The following FAM53A variants were observed in gnomAD, a reference collection of about 807,000 sequenced individuals.
The protein encoded by FAM53A is family with sequence similarity 53 member A, also known as protein FAM53A.
In FAM53A, 28 loss-of-function variants were observed where a neutral mutation model predicts 26.6. The observed-to-expected ratio is 1.05, with a 90% CI of 0.78 to 1.45. The LOEUF (loss-of-function observed/expected upper bound fraction) is 1.45. Among genes scored for constraint, FAM53A ranks in the 40% most tolerant of loss-of-function variants. FAM53A has a pLI of 0.00. For synonymous variants in FAM53A, 290 were observed against 253.1 expected (o/e 1.15, Z -1.38); for missense variants, 650 against 575.8 (o/e 1.13, Z -1.32).
chr4:1,595,017 C>A, the FAM53A span, among the ~76,000 whole-genome samples: 5 of 152,332 alleles, frequency 3.3e-5, no homozygotes, highest in East Asian at 9.6e-4. Flanking sequence ...CCACCCCATC[C>A]CCCCACAGGA....
chr4:1,656,324 A>AC (rs1426580035), intron 3 of FAM53A, among the ~76,000 whole-genome samples: 6 of 152,156 alleles, frequency 3.9e-5, no homozygotes, highest in Non-Finnish European at 5.9e-5. Context: ...TCCCCAGCCC[A>AC]CTGCCTGCTG....
intron 4 of FAM53A, among the ~76,000 whole-genome samples, chr4:1,648,141 G>A (rs1161231730): frequency 6.6e-6 from 1 of 152,182 alleles, no homozygotes; most frequent in Non-Finnish European, 1.5e-5. Flanking sequence ...TCCAGGAGAT[G>A]GAGACTGCAG....
rs62287700 is a variant in FAM53A at position 1,655,074 on chromosome 4, A to T, written c.786T>A (p.Pro262=). The change falls in exon 4 of 5, where the codon CCT becomes CCA. Residue 262 remains proline (P), a synonymous_variant. Transcript: ENST00000308132. ...RRGLLRCRSQ[P]CVLSGKRSRR... is the part of the protein sequence containing the mutation. ...GGCTCCTCTTCCCACTGAGCACGCA[A>T]GGCTGTGAGCGGCACCGGAGCAGCC... 3 of 1,599,492 alleles carry T rather than the reference A, an allele frequency of 1.9e-6. No individual in the cohort carries two copies. The highest frequency in any genetic ancestry group is 2.6e-6 in the Non-Finnish European group (3 of 1,172,720).
intron 2 of FAM53A, among the ~76,000 whole-genome samples, chr4:1,660,471 T>C (rs1397201620): frequency 6.6e-6 from 1 of 151,094 alleles, no homozygotes; most frequent in African/African-American, 2.4e-5. Context: ...AGCCTGTCAT[T>C]CCAGCTACTC....
chr4:1,656,312 G>A (rs906673010), intron 3 of FAM53A, among the ~76,000 whole-genome samples: 2 of 152,184 alleles, frequency 1.3e-5, no homozygotes, highest in Admixed American at 6.5e-5. Flanking sequence ...TGTCTAACGC[G>A]CTCCCCAGCC....
rs565645997 is a variant in FAM53A, at chr4:1,675,936, A to T, written c.-164-7031T>A. Among the ~76,000 whole-genome samples, 9 of 152,366 alleles carry T rather than the reference A, an allele frequency of 5.9e-5. No individual in the cohort carries two copies. In the South Asian group the frequency reaches 1.7e-3, roughly 28 times the overall value. On this transcript the variant is annotated intron_variant, in intron 1 of 4. Transcript: ENST00000308132. ...CCCACCACAGGCAGTGCCTCAGCTC[A>T]GATGGCCGCCTCACGGGACAGCGGC...
rs985617745 is a variant in FAM53A, at chr4:1,640,145, C to T, written c.*1148G>A. On this transcript the variant is annotated 3_prime_UTR_variant, in exon 5 of 5. Transcript: ENST00000308132. Reference sequence around the variant, plus strand: ...GCCTTCCCAGAGGTCTGGCACTACACCCCACCTGAAGGTGCAAGGGCCCTC... The same window carrying T: ...GCCTTCCCAGAGGTCTGGCACTACATCCCACCTGAAGGTGCAAGGGCCCTC... The T allele has an allele frequency of 6.4e-6, 1 of 156,630 alleles. No homozygotes were observed. Among genetic ancestry groups the T allele is most frequent in the African/African-American group, 2.4e-5 (1 of 41,502 alleles). The allele number at this position is 156,630 out of a possible 1,614,324, so 9.7% of individuals were successfully genotyped here.
At chr4:1,593,897 A>G in the FAM53A span, among the ~76,000 whole-genome samples, 1 of 152,226 alleles carries the variant, frequency 6.6e-6, no homozygotes, top group Non-Finnish European at 1.5e-5. Context: ...TAAATTTAGA[A>G]CACAAAGGAC....
Position 1,659,315 on chromosome 4 carries a change from G to A in FAM53A, c.76-1847C>T, listed in dbSNP as rs191469689. The stretch of plus-strand genomic sequence containing the variant: ...TCACGCCACAGGGACCCTTGTTGCT[G>A]TCGATCCTCCCAGCCCCGGGCCTCC... On this transcript the variant is annotated intron_variant, in intron 2 of 4. Coordinates refer to ENST00000308132, the MANE Select transcript of FAM53A (RefSeq NM_001174070.3). The surrounding 1 kb of genome is among the most constrained non-coding windows in gnomAD (Gnocchi z 5.2). 2.3e-3 allele frequency among the ~76,000 whole-genome samples: 348 copies of A among 152,358 alleles called. 2 individuals are homozygous for A. The Middle Eastern group carries it at 0.024, about 10-fold the overall frequency.
the FAM53A span, among the ~76,000 whole-genome samples, chr4:1,578,014 C>G: frequency 2.0e-5 from 3 of 152,142 alleles, no homozygotes; most frequent in African/African-American, 7.2e-5. Flanking sequence ...GCTGCCCTTG[C>G]AGGCCGGGGT....
chr4:1,616,715 A>G (rs1201177483), downstream of FAM53A, among the ~76,000 whole-genome samples: 1 of 152,232 alleles, frequency 6.6e-6, no homozygotes, highest in East Asian at 1.9e-4. Context: ...AAAAGCTTGG[A>G]TTGGTGACAG....
the FAM53A span, among the ~76,000 whole-genome samples, chr4:1,610,437 A>G: frequency 2.6e-5 from 4 of 152,188 alleles, no homozygotes; most frequent in African/African-American, 9.7e-5. Flanking sequence ...GGCGTGGTGC[A>G]GGGGCTACGT....
intron 1 of FAM53A, among the ~76,000 whole-genome samples, chr4:1,676,708 GC>G (rs1715068098): frequency 6.6e-6 from 1 of 152,096 alleles, no homozygotes; most frequent in Non-Finnish European, 1.5e-5. Flanking sequence ...GCCGCAGCGC[GC>G]CCCTCTGAGC....
At chr4:1,643,321 C>T (rs539736799) in intron 4 of FAM53A, among the ~76,000 whole-genome samples, 1 of 151,858 alleles carries the variant, frequency 6.6e-6, no homozygotes, top group Non-Finnish European at 1.5e-5. Context: ...AAAAAATTAA[C>T]CAGGCGTGGT....
chr4:1,653,973 T>TCCACCCACATCTACAGCC (rs1385072613), intron 4 of FAM53A, among the ~76,000 whole-genome samples: 3 of 152,050 alleles, frequency 2.0e-5, no homozygotes, highest in Non-Finnish European at 4.4e-5. Flanking sequence ...TATGGACAGC[T>TCCACCCACATCTACAGCC]CCACCCACAT....
chr4:1,657,551 C>T (rs1457769070), intron 2 of FAM53A, 83 bp from the exon 3 acceptor site: 18 of 1,123,664 alleles, frequency 1.6e-5, no homozygotes, highest in Non-Finnish European at 2.3e-5. Flanking sequence ...CACTGCAGCA[C>T]GTTCTACCTT....
Position 1,644,088 on chromosome 4 carries a change from GCAGACTCT to G in FAM53A, c.883-2489_883-2482del, listed in dbSNP as rs1348433477. 5 of 1,442,844 alleles carry G rather than the reference GCAGACTCT, an allele frequency of 3.5e-6. No homozygotes were observed. The African/African-American group carries it at 7.0e-5, about 20-fold the overall frequency. 89.4% of individuals were successfully genotyped at this position (1,442,844 alleles called of 1,614,324 possible). ...TCGGTCTGGTGTCACCCGTGACCTT[GCAGACTCT>G]GGCTGCCGTGCTGCCCACACAGGAT... On this transcript the variant is annotated intron_variant, in intron 4 of 4. Transcript: ENST00000308132.
intron 4 of FAM53A, among the ~76,000 whole-genome samples, chr4:1,652,043 CCACACACGCCA>C (rs1712849924): frequency 7.1e-6 from 1 of 141,282 alleles, no homozygotes; most frequent in African/African-American, 2.6e-5. Context: ...CACACACACA[CCACACACGCCA>C]CACACACACC....
the FAM53A span, among the ~76,000 whole-genome samples, chr4:1,575,500 CT>C: frequency 2.0e-5 from 3 of 152,106 alleles, no homozygotes; most frequent in Admixed American, 1.3e-4. Flanking sequence ...GGCAGTGCCC[CT>C]GACAGAGGGG....
Sources: gnomAD v4.1 joint callset for allele counts (sites outside exome capture counted in the v4.1 genomes callset) on GRCh38, gnomAD v4.1.1 for gene constraint, Gnocchi (gnomAD v3.1) non-coding constraint, MANE v1.5 for transcripts, NCBI Gene and HGNC (gene_info 2026-07-23, HGNC 2026-07-21) for gene names.